The following CDC42 variants were observed in gnomAD, a reference collection of about 807,000 sequenced individuals.
CDC42 encodes the protein cell division cycle 42.
In CDC42, 1 loss-of-function variant was observed where a neutral mutation model predicts 20.8. The observed-to-expected ratio is 0.05, with a 90% confidence interval of 0.02 to 0.23. CDC42 has a LOEUF of 0.23. Among genes scored for constraint, CDC42 ranks in the 10% least tolerant of loss-of-function variants. The pLI, the probability that CDC42 is intolerant of heterozygous loss-of-function variation, is 1.00. For missense variants in CDC42, 49 were observed against 227.9 expected, an observed-to-expected ratio of 0.21 and a Z score of 5.05; for synonymous variants, 72 against 84.8, an observed-to-expected ratio of 0.85 and a Z score of 0.83.
chr1:22,053,563 TC>T (rs1282963911), intron 1 of CDC42: 1 of 152,184 alleles, frequency 6.6e-6, no homozygotes, highest in African/African-American at 2.4e-5. Context: ...ATTCCTCTTA[TC>T]GGGGGGGAAT....
chr1:22,054,915 ATATATATTTTTTTTTTTTTTTTTTTTT>A lies in CDC42; in HGVS notation c.-51+2175_-51+2201del, dbSNP rs1645283485. Reference sequence around the variant, plus strand: ...TGTATATATATATATATATATATATATATATATTTTTTTTTTTTTTTTTTTTTTTTTTTTTTTTTTTTTTTTTTTTTT... The same window carrying A: ...TGTATATATATATATATATATATATATTTTTTTTTTTTTTTTTTTTTTTTT... On this transcript the variant is annotated intron_variant, in intron 1 of 5. Transcript: ENST00000656825. Among the ~76,000 whole-genome samples the A allele has an allele frequency of 1.5e-3, 22 of 14,690 alleles. 1 individual carries two copies. Among genetic ancestry groups the A allele is most frequent in the Non-Finnish European group, 1.8e-3 (13 of 7,040 alleles). The allele number at this position is 14,690 out of a possible 152,430, so 9.6% of individuals were successfully genotyped here. A position where few individuals can be genotyped will look rare whatever the true frequency, so the allele number is the denominator to read the frequency against.
chr1:22,085,244 A>AAAAAAAAAAAAAAG (rs373016657), intron 3 of CDC42, among the ~76,000 whole-genome samples: 5 of 135,956 alleles, frequency 3.7e-5, no homozygotes, highest in African/African-American at 1.4e-4. Context: ...AAAAAAAAAA[A>AAAAAAAAAAAAAAG]AAAAGAAAAA....
At chr1:22,061,322 C>T (rs373764599) in intron 1 of CDC42, among the ~76,000 whole-genome samples, 1 of 150,624 alleles carries the variant, frequency 6.6e-6, no homozygotes, top group Non-Finnish European at 1.5e-5. Flanking sequence ...GCAGGAGAAT[C>T]GCTTGAACCC....
At chr1:22,078,923 T>G (rs1207029703) in intron 2 of CDC42, 1 of 1,134,238 alleles carries the variant, frequency 8.8e-7, no homozygotes, top group East Asian at 5.7e-5. Flanking sequence ...GGCCAATTAT[T>G]GATCAGTACT....
At chr1:22,061,704 C>T (rs974801695) in intron 1 of CDC42, among the ~76,000 whole-genome samples, 6 of 150,338 alleles carry the variant, frequency 4.0e-5, no homozygotes, top group Admixed American at 2.7e-4. Context: ...CCACCATGCC[C>T]GGCTAATTTT....
At chr1:22,057,298 G>A (rs1645313144) in intron 1 of CDC42, among the ~76,000 whole-genome samples, 2 of 152,152 alleles carry the variant, frequency 1.3e-5, no homozygotes, top group South Asian at 4.1e-4. Context: ...ACCCTTCCCC[G>A]CCATCTTTGA....
chr1:22,089,017 T>A (rs1570043552), intron 5 of CDC42, among the ~76,000 whole-genome samples: 1 of 151,954 alleles, frequency 6.6e-6, no homozygotes, highest in African/African-American at 2.4e-5. Context: ...ACACTTGGGG[T>A]GGTCTGGGGT....
intron 1 of CDC42, among the ~76,000 whole-genome samples, chr1:22,070,202 C>A (rs968276042): frequency 4.6e-5 from 7 of 152,190 alleles, no homozygotes; most frequent in Admixed American, 6.5e-5. Flanking sequence ...ATAGTAACTT[C>A]TCTTAAAAGC....
At chr1:22,090,911 C>G (rs1645709387) in intron 5 of CDC42, 1 of 475,592 alleles carries the variant, frequency 2.1e-6, no homozygotes, top group Non-Finnish European at 2.7e-6. Context: ...CTCTGTCTAA[C>G]TGGTGGGATA....
intron 2 of CDC42, chr1:22,078,839 G>A: frequency 1.4e-6 from 2 of 1,394,798 alleles, no homozygotes; most frequent in Non-Finnish European, 1.9e-6. Context: ...CTAACGAGTG[G>A]TGGTCTCAAT....
chr1:22,066,694 T>C (rs1645427488), intron 1 of CDC42, among the ~76,000 whole-genome samples: 1 of 56,640 alleles, frequency 1.8e-5, no homozygotes, highest in South Asian at 9.9e-4. Flanking sequence ...TTGGAGGAGA[T>C]GATGATTCGA....
rs1645752704 is a variant in CDC42 at position 22,095,636 on chromosome 1, T to G, written c.*4119T>G. ...GTGCCTCCACCTTAAAAAAAATTCC[T>G]TATTTTATTCACTTGCCAGAATAAT... is the stretch of plus-strand genomic sequence containing the variant. On this transcript the variant is annotated 3_prime_UTR_variant, in exon 6 of 6. Transcript: ENST00000656825. Among the ~76,000 whole-genome samples the G allele has an allele frequency of 6.6e-6, 1 of 152,226 alleles. No individual in the cohort carries two copies. Among genetic ancestry groups the G allele is most frequent in the Admixed American group, 6.5e-5 (1 of 15,282 alleles).
chr1:22,079,203 A>G (rs1297872887), intron 2 of CDC42, among the ~76,000 whole-genome samples: 2 of 144,460 alleles, frequency 1.4e-5, no homozygotes, highest in Non-Finnish European at 3.0e-5. Flanking sequence ...CAGTAGCGCG[A>G]TCTCGGCTTG....
chr1:22,075,208 G>A (rs568616142), intron 1 of CDC42, among the ~76,000 whole-genome samples: 1 of 152,310 alleles, frequency 6.6e-6, no homozygotes, highest in Admixed American at 6.5e-5. Context: ...CACAACGGTA[G>A]CCTCCTATAG....
chr1:22,068,512 A>G (rs1289474641), intron 1 of CDC42: 1 of 153,110 alleles, frequency 6.5e-6, no homozygotes, highest in African/African-American at 2.4e-5. Context: ...TCTGACACGT[A>G]AAATTCCACT....
At chr1:22,083,043 C>T (rs1330824393) in intron 3 of CDC42, among the ~76,000 whole-genome samples, 3 of 151,818 alleles carry the variant, frequency 2.0e-5, no homozygotes, top group Non-Finnish European at 4.4e-5. Context: ...CCATACCCGG[C>T]TAATTTTTTT....
At chr1:22,073,349 C>T (rs1358102386) in intron 1 of CDC42, among the ~76,000 whole-genome samples, 5 of 151,848 alleles carry the variant, frequency 3.3e-5, no homozygotes, top group Non-Finnish European at 7.4e-5. Context: ...CCAGCCTGGC[C>T]AATGTGGCGA....
In CDC42 at chr1:22,100,183, A is replaced by G. The variant is rs748656641; in HGVS notation, c.*8666A>G. ...CTTCTTTCATTAGCTTGACCCAAGCACAGGGAGATGACTGGGGCTCTGCCT... is the reference window on the plus strand; with the variant it reads ...CTTCTTTCATTAGCTTGACCCAAGCGCAGGGAGATGACTGGGGCTCTGCCT... On this transcript the variant is annotated 3_prime_UTR_variant, in exon 6 of 6. Transcript: ENST00000656825. Among the ~76,000 whole-genome samples the G allele has an allele frequency of 1.3e-5, 2 of 152,142 alleles. No homozygotes were observed. The highest frequency in any genetic ancestry group is 3.8e-4 in the East Asian group (2 of 5,196).
chr1:22,054,711 C>T (rs1645276118), intron 1 of CDC42, among the ~76,000 whole-genome samples: 1 of 151,546 alleles, frequency 6.6e-6, no homozygotes, highest in Non-Finnish European at 1.5e-5. Context: ...CATTACAGAC[C>T]ATTGGATAGG....
Sources: allele counts gnomAD v4.1 joint callset (sites outside exome capture counted in the v4.1 genomes callset), GRCh38; gene constraint gnomAD v4.1.1; transcripts MANE v1.5; gene names NCBI Gene and HGNC (gene_info 2026-07-23, HGNC 2026-07-21).